RNF38: variants seen among roughly 807,000 people sequenced by gnomAD.
RNF38 encodes the protein ring finger protein 38.
In RNF38, 15 loss-of-function variants were observed where a neutral mutation model predicts 67.2. The ratio of observed to expected loss-of-function variants is 0.22; its 90% confidence interval spans 0.15 to 0.34. The LOEUF (loss-of-function observed/expected upper bound fraction) is 0.34, where lower values mean the gene tolerates loss of function less well. Among genes scored for constraint, RNF38 ranks in the 10% least tolerant of loss-of-function variants. The pLI is 1.00. For synonymous variants in RNF38, 220 were observed against 218.8 expected (o/e 1.01, Z -0.05); for missense variants, 524 against 639.9 (o/e 0.82, Z 1.95).
chr9:36,424,728 C>T (rs1838724712), intron 1 of RNF38: 6 of 800,084 alleles, frequency 7.5e-6, no homozygotes, highest in Non-Finnish European at 9.1e-6. Context: ...TAATTCCTTA[C>T]ATTTAAACTG....
intron 2 of RNF38, among the ~76,000 whole-genome samples, chr9:36,376,902 G>A (rs941679605): frequency 1.4e-5 from 2 of 143,322 alleles, no homozygotes; most frequent in Non-Finnish European, 3.0e-5. Context: ...CCCCAGCCTC[G>A]GCGACAAGAG....
intron 1 of RNF38, among the ~76,000 whole-genome samples, chr9:36,482,180 A>G (rs1488810594): frequency 6.6e-6 from 1 of 151,174 alleles, no homozygotes; most frequent in Non-Finnish European, 1.5e-5. Flanking sequence ...CAGCCTCCCA[A>G]GTAGCTGGGA....
At chr9:36,350,944 T>C (rs1251747667) in intron 9 of RNF38, among the ~76,000 whole-genome samples, 171 bp downstream of exon 9, 1 of 152,202 alleles carries the variant, frequency 6.6e-6, no homozygotes, top group South Asian at 2.1e-4. Context: ...TAAAAGGTTA[T>C]TGGCTACTAT....
chr9:36,459,478 C>T (rs977800714), intron 1 of RNF38, among the ~76,000 whole-genome samples: 2 of 152,168 alleles, frequency 1.3e-5, no homozygotes, highest in African/African-American at 4.8e-5. Flanking sequence ...CATTTTGGTA[C>T]ACTGAGTATT....
chr9:36,400,918 C>A (rs1837981970), upstream of RNF38: 5 of 981,494 alleles, frequency 5.1e-6, no homozygotes, highest in Non-Finnish European at 6.1e-6. Flanking sequence ...CGCCGCGCCC[C>A]GCCGCACCCC....
intron 1 of RNF38, among the ~76,000 whole-genome samples, chr9:36,463,955 C>A (rs1839797253): frequency 6.6e-6 from 1 of 151,836 alleles, no homozygotes; most frequent in South Asian, 2.1e-4. Context: ...ATCACGAGGT[C>A]AGGAGATAGA....
intron 2 of RNF38, among the ~76,000 whole-genome samples, chr9:36,385,567 T>C (rs990034513): frequency 6.6e-6 from 1 of 152,122 alleles, no homozygotes; most frequent in African/African-American, 2.4e-5. Flanking sequence ...TTAGTAGAGA[T>C]GGGGTTTCAC....
intron 1 of RNF38, among the ~76,000 whole-genome samples, chr9:36,456,779 A>C (rs536350662): frequency 4.6e-5 from 7 of 152,270 alleles, no homozygotes; most frequent in African/African-American, 1.7e-4. Context: ...CATTGTGCCA[A>C]GCATGAAGAC....
At chr9:36,390,387 A>G in intron 2 of RNF38, 80 bp downstream of exon 2, 1 of 1,231,862 alleles carries the variant, frequency 8.1e-7, no homozygotes. Flanking sequence ...GATATTGGGC[A>G]TTTTGTTTCA....
chr9:36,361,007 G>C lies in RNF38; in HGVS notation c.571-3065C>G, dbSNP rs1189097802. 3.3e-5 allele frequency among the ~76,000 whole-genome samples: 5 copies of C among 152,136 alleles called. No individual in the cohort carries two copies. In the East Asian group the frequency reaches 9.7e-4, roughly 29 times the overall value. On this transcript the variant is annotated intron_variant, in intron 4 of 11. Transcript: ENST00000259605. ...TTGTATTATTATTTTTGTAGAGACA[G>C]GGTTTCACTGTGTTGTCCAGGCTGT...
At position 36,357,999 on chromosome 9, in the gene RNF38, T is replaced by C. The variant is rs12001479; in HGVS notation, c.571-57A>G. ...AGCTGTTTAGATAAAATGTTAACTA[T>C]TCAAAATCAACATTTGGTCATTTAT... On this transcript the variant is annotated intron_variant, in intron 4 of 11. Coordinates refer to ENST00000259605, the MANE Select transcript of RNF38 (RefSeq NM_022781.5). The C allele has an allele frequency of 9.1e-5, 133 of 1,458,748 alleles. No homozygotes were observed. In the African/African-American group the frequency reaches 1.5e-3, roughly 17 times the overall value. The allele number at this position is 1,458,748 out of a possible 1,614,324, so 90.4% of individuals were successfully genotyped here.
intron 1 of RNF38, among the ~76,000 whole-genome samples, chr9:36,482,154 A>C (rs1840285302): frequency 6.6e-6 from 1 of 150,914 alleles, no homozygotes; most frequent in Non-Finnish European, 1.5e-5. Context: ...CCTGGGTTCA[A>C]GCGATTCTCC....
intron 1 of RNF38, among the ~76,000 whole-genome samples, chr9:36,462,508 A>G (rs965032009): frequency 2.6e-5 from 4 of 152,116 alleles, no homozygotes; most frequent in African/African-American, 4.8e-5. Context: ...AGTATCCCTA[A>G]TAGTCTAGAA....
intron 1 of RNF38, among the ~76,000 whole-genome samples, chr9:36,452,842 T>C (rs1453833463): frequency 6.6e-6 from 1 of 152,184 alleles, no homozygotes; most frequent in Non-Finnish European, 1.5e-5. Flanking sequence ...CAAAACCTTG[T>C]TTATTTTTAT....
intron 1 of RNF38, among the ~76,000 whole-genome samples, chr9:36,479,784 T>A (rs926487436): frequency 6.6e-6 from 1 of 151,836 alleles, no homozygotes; most frequent in Non-Finnish European, 1.5e-5. Context: ...AAAAGCCAAA[T>A]GAAAAATACT....
intron 11 of RNF38, among the ~76,000 whole-genome samples, chr9:36,341,078 T>C (rs951641818): frequency 1.3e-5 from 2 of 152,168 alleles, no homozygotes; most frequent in African/African-American, 4.8e-5. Context: ...CAGTCTGTTA[T>C]ATACTTCCCA....
chr9:36,388,396 A>G (rs1214923186), intron 2 of RNF38, among the ~76,000 whole-genome samples: 2 of 152,348 alleles, frequency 1.3e-5, no homozygotes, highest in East Asian at 3.9e-4. Context: ...GAGCAATACA[A>G]AACAAGCAAA....
intron 2 of RNF38, among the ~76,000 whole-genome samples, chr9:36,380,327 G>A (rs1429479161): frequency 2.0e-5 from 3 of 152,114 alleles, no homozygotes; most frequent in African/African-American, 7.2e-5. Context: ...AGCCTCCCGA[G>A]TAGCTGGGAT....
intron 1 of RNF38, among the ~76,000 whole-genome samples, chr9:36,451,777 G>A (rs1410273311): frequency 6.6e-6 from 1 of 151,620 alleles, no homozygotes; most frequent in Non-Finnish European, 1.5e-5. Flanking sequence ...TGGGATTACA[G>A]GCATTAGCCA....
Sources: allele counts gnomAD v4.1 joint callset (sites outside exome capture counted in the v4.1 genomes callset), GRCh38; gene constraint gnomAD v4.1.1; transcripts MANE v1.5; gene names NCBI Gene and HGNC (gene_info 2026-07-23, HGNC 2026-07-21).